The following CMSS1 variants were observed in gnomAD, a reference collection of about 807,000 sequenced individuals.
CMSS1 encodes the protein cms1 ribosomal small subunit homolog.
Under a neutral mutation model 43.5 loss-of-function variants are expected in CMSS1, and 33 were observed. The ratio of observed to expected loss-of-function variants is 0.76; its 90% CI spans 0.57 to 1.01. The LOEUF (loss-of-function observed/expected upper bound fraction) is 1.01. Among genes scored for constraint, CMSS1 ranks in the 50% least tolerant of loss-of-function variants. The pLI is 0.00. For synonymous variants in CMSS1, 115 were observed against 117.2 expected (o/e 0.98, Z 0.12); for missense variants, 313 against 326.4 (o/e 0.96, Z 0.32).
intron 1 of CMSS1, among the ~76,000 whole-genome samples, chr3:99,917,804 G>A (rs1178206170): frequency 1.3e-5 from 2 of 152,116 alleles, no homozygotes; most frequent in African/African-American, 4.8e-5. Context: ...ATTTAAAGTT[G>A]GTGGTAGTCA....
chr3:99,872,590 A>G (rs1267789484), intron 1 of CMSS1, among the ~76,000 whole-genome samples: 1 of 151,960 alleles, frequency 6.6e-6, no homozygotes, highest in Non-Finnish European at 1.5e-5. Flanking sequence ...CCACAAACAC[A>G]TCATTCCCCA....
intron 1 of CMSS1, among the ~76,000 whole-genome samples, chr3:100,025,206 G>A (rs754534141): frequency 4.9e-4 from 75 of 152,220 alleles, no homozygotes; most frequent in Middle Eastern, 3.4e-3. Context: ...CTATAGTAGG[G>A]CTCGTCCTTC....
chr3:100,179,762 T>C lies in CMSS1; in HGVS notation c.*1374T>C. ...GGGGTCTGGAGGATGATGGCTCTCT[T>C]CTCACAGCTCCACTAGGCAGTGCCC... On this transcript the variant is annotated 3_prime_UTR_variant, in exon 10 of 10. Transcript: ENST00000421999. The C allele has an allele frequency of 6.6e-6, 1 of 152,508 alleles. No individual in the cohort carries two copies. The highest frequency in any genetic ancestry group is 1.5e-5 in the Non-Finnish European group (1 of 68,200). The allele number at this position is 152,508 out of a possible 1,614,324, so 9.4% of individuals were successfully genotyped here.
intron 1 of CMSS1, among the ~76,000 whole-genome samples, chr3:99,922,193 G>T (rs1222934964): frequency 6.6e-6 from 1 of 152,224 alleles, no homozygotes; most frequent in Non-Finnish European, 1.5e-5. Context: ...AAAGATGAAA[G>T]AAAGTGTCTG....
chr3:99,906,639 T>C (rs1706627364), intron 1 of CMSS1, among the ~76,000 whole-genome samples: 1 of 152,226 alleles, frequency 6.6e-6, no homozygotes, highest in South Asian at 2.1e-4. Flanking sequence ...AAAGGTTAAG[T>C]GGTTTGCACT....
At chr3:100,143,778 C>G (rs2107509816) in intron 1 of CMSS1, among the ~76,000 whole-genome samples, 1 of 152,286 alleles carries the variant, frequency 6.6e-6, no homozygotes, top group East Asian at 1.9e-4. Context: ...ATTGCTATGT[C>G]TTCTTGACAG....
chr3:100,109,614 T>C (rs545530932), intron 1 of CMSS1, among the ~76,000 whole-genome samples: 11 of 152,270 alleles, frequency 7.2e-5, no homozygotes, highest in African/African-American at 2.4e-4. Context: ...ATTCTTTCAA[T>C]TGGCATAATG....
In CMSS1 at chr3:99,877,428, G is replaced by A. The variant is rs182106272; in HGVS notation, c.64+59385G>A. Among the ~76,000 whole-genome samples the A allele has an allele frequency of 1.1e-4, 17 of 152,198 alleles. No individual in the cohort carries two copies. The East Asian group carries it at 3.3e-3, about 29-fold the overall frequency. On this transcript the variant is annotated intron_variant, in intron 1 of 9. Coordinates refer to ENST00000421999, the MANE Select transcript of CMSS1 (RefSeq NM_032359.4). ...GGAAATGGTGTGGAATAAAGATGCAGGGCACAACATTAAATGTATGTCCTC... is the reference window on the plus strand; with the variant it reads ...GGAAATGGTGTGGAATAAAGATGCAAGGCACAACATTAAATGTATGTCCTC...
At chr3:99,837,977 T>C (rs1942969030) in intron 1 of CMSS1, among the ~76,000 whole-genome samples, 1 of 152,244 alleles carries the variant, frequency 6.6e-6, no homozygotes, top group African/African-American at 2.4e-5. Flanking sequence ...ATGGTTGTGA[T>C]GTTCCTTCCG....
intron 1 of CMSS1, among the ~76,000 whole-genome samples, chr3:100,111,608 G>T (rs1228380908): frequency 1.3e-5 from 2 of 151,852 alleles, no homozygotes; most frequent in Non-Finnish European, 2.9e-5. Flanking sequence ...TTCAGTGTAG[G>T]CTCCAGTGAT....
chr3:99,968,877 G>T (rs890595006), intron 1 of CMSS1, among the ~76,000 whole-genome samples: 4 of 152,060 alleles, frequency 2.6e-5, no homozygotes, highest in Non-Finnish European at 2.9e-5. Context: ...GTTGAGAAGG[G>T]TTAGCACAAA....
chr3:100,125,752 A>G (rs1410658008), intron 1 of CMSS1, among the ~76,000 whole-genome samples: 1 of 152,198 alleles, frequency 6.6e-6, no homozygotes, highest in African/African-American at 2.4e-5. Context: ...CATATTTTCT[A>G]CATATGTAAA....
At chr3:99,982,395 A>G (rs1709151960) in intron 1 of CMSS1, among the ~76,000 whole-genome samples, 1 of 151,866 alleles carries the variant, frequency 6.6e-6, no homozygotes, top group Non-Finnish European at 1.5e-5. Flanking sequence ...GCTAGCATGT[A>G]GTGGCGCATT....
intron 1 of CMSS1, chr3:99,850,828 TC>T: frequency 6.2e-7 from 1 of 1,614,204 alleles, no homozygotes; most frequent in Non-Finnish European, 8.5e-7. Flanking sequence ...CTGCTCTTCC[TC>T]CTGAACTCTG....
At chr3:99,871,982 T>C (rs572587165) in intron 1 of CMSS1, among the ~76,000 whole-genome samples, 20 of 152,238 alleles carry the variant, frequency 1.3e-4, no homozygotes, top group African/African-American at 4.8e-4. Flanking sequence ...CTTTGAACCT[T>C]TCTACTTTCT....
intron 6 of CMSS1, among the ~76,000 whole-genome samples, chr3:100,169,930 T>TTA (rs2067095910): frequency 6.6e-6 from 1 of 152,270 alleles, no homozygotes; most frequent in Non-Finnish European, 1.5e-5. Context: ...ATAAAAGTAC[T>TTA]GTGTTGTCAC....
At position 100,068,697 on chromosome 3, in the gene CMSS1, G is replaced by A. The variant is rs564400183; in HGVS notation, c.65-78276G>A. On this transcript the variant is annotated intron_variant, in intron 1 of 9. Coordinates refer to ENST00000421999, the MANE Select transcript of CMSS1 (RefSeq NM_032359.4). ...GGCTGGAGTGCAGTTGCACGATCTC[G>A]GCTTACTGCAACCTCTATCTCCCAG... is the stretch of plus-strand genomic sequence containing the variant. Among the ~76,000 whole-genome samples the A allele has an allele frequency of 2.4e-3, 372 of 152,066 alleles. 1 individual carries two copies. Among genetic ancestry groups the A allele is most frequent in the African/African-American group, 8.4e-3 (349 of 41,480 alleles).
intron 1 of CMSS1, chr3:99,850,698 C>T: frequency 6.2e-7 from 1 of 1,614,142 alleles, no homozygotes; most frequent in East Asian, 2.2e-5. Context: ...GTGCTGCCAG[C>T]TTTTGTTGAA....
chr3:100,115,699 T>G (rs2066560963), intron 1 of CMSS1, among the ~76,000 whole-genome samples: 2 of 151,848 alleles, frequency 1.3e-5, no homozygotes, highest in African/African-American at 4.8e-5. Context: ...TCTGAATTAA[T>G]TTATATACTT....
Sources: gnomAD v4.1 joint callset for allele counts (sites outside exome capture counted in the v4.1 genomes callset) on GRCh38, gnomAD v4.1.1 for gene constraint, MANE v1.5 for transcripts, NCBI Gene and HGNC (gene_info 2026-07-23, HGNC 2026-07-21) for gene names.